GALNT2: variants seen among roughly 807,000 people sequenced by gnomAD.
GALNT2 encodes polypeptide N-acetylgalactosaminyltransferase 2, also known as UDP-GalNAc:polypeptide N-acetylgalactosaminyltransferase 2.
Under a neutral mutation model 81.4 loss-of-function variants are expected in GALNT2, and 31 were observed. The observed-to-expected ratio is 0.38, with a 90% CI of 0.29 to 0.51. The LOEUF (loss-of-function observed/expected upper bound fraction) is 0.51, where lower values mean the gene tolerates loss of function less well. Among genes scored for constraint, GALNT2 ranks in the 20% least tolerant of loss-of-function variants. The probability of loss-of-function intolerance (pLI) is 0.87; values close to 1 mark genes in which losing one functional copy is unlikely to be tolerated. For synonymous variants in GALNT2, 303 were observed against 287.4 expected (o/e 1.05, Z -0.55); for missense variants, 629 against 765.7 (o/e 0.82, Z 2.11).
chr1:230,057,865 C>T (rs904648400), upstream of GALNT2: 17 of 347,428 alleles, frequency 4.9e-5, no homozygotes, highest in Middle Eastern at 6.8e-4. Context: ...AAGGTAGCAA[C>T]CACAGGCAGG....
intron 1 of GALNT2, among the ~76,000 whole-genome samples, chr1:230,119,634 A>G (rs1660953880): frequency 6.6e-6 from 1 of 151,972 alleles, no homozygotes; most frequent in Admixed American, 6.6e-5. Flanking sequence ...GTATAAAGAG[A>G]ACTCCCCCCA....
At chr1:230,212,968 C>T (rs78122088) in intron 3 of GALNT2, among the ~76,000 whole-genome samples, 4 of 152,152 alleles carry the variant, frequency 2.6e-5, no homozygotes, top group African/African-American at 9.7e-5. Context: ...GTTGGCATCT[C>T]TGAAGGGCCC....
intron 2 of GALNT2, among the ~76,000 whole-genome samples, chr1:230,183,266 T>C (rs1018076041): frequency 2.0e-5 from 3 of 152,246 alleles, no homozygotes; most frequent in Admixed American, 6.5e-5. Flanking sequence ...ACCATCGATG[T>C]ACACAGTGAT....
At chr1:230,155,277 G>A (rs1010698298) in intron 1 of GALNT2, among the ~76,000 whole-genome samples, 4 of 152,236 alleles carry the variant, frequency 2.6e-5, no homozygotes, top group East Asian at 1.9e-4. Flanking sequence ...GCTCCTGCCC[G>A]CCCTGTTCTT....
chr1:230,278,442 G>A (rs1185950086), intron 15 of GALNT2, among the ~76,000 whole-genome samples: 3 of 152,156 alleles, frequency 2.0e-5, no homozygotes, highest in Non-Finnish European at 2.9e-5. Context: ...GGGTATTTAT[G>A]TTACTTGCTA....
At chr1:230,119,519 A>G (rs1660950479) in intron 1 of GALNT2, among the ~76,000 whole-genome samples, 1 of 152,136 alleles carries the variant, frequency 6.6e-6, no homozygotes. Context: ...TCTGTGGTGG[A>G]GGCAACCATT....
intron 1 of GALNT2, among the ~76,000 whole-genome samples, chr1:230,089,106 A>G (rs1334308408): frequency 6.6e-6 from 1 of 151,906 alleles, no homozygotes; most frequent in Non-Finnish European, 1.5e-5. Context: ...TTATTATGGT[A>G]AAATACATAT....
intron 1 of GALNT2, among the ~76,000 whole-genome samples, chr1:230,169,897 C>T (rs927398773): frequency 3.9e-5 from 6 of 152,154 alleles, no homozygotes; most frequent in African/African-American, 1.4e-4. Context: ...GTTTCATAAA[C>T]TAAGTTGGAG....
In GALNT2 at chr1:230,243,663, TAGG is replaced by T. The variant is rs1480780389; in HGVS notation, c.729+240_729+242del. 1.3e-5 allele frequency among the ~76,000 whole-genome samples: 2 copies of T among 152,320 alleles called. No homozygotes were observed. The highest frequency in any genetic ancestry group is 4.8e-5 in the African/African-American group (2 of 41,576). The stretch of plus-strand genomic sequence containing the variant: ...GTAGGAGGAACCATCCGTTGACAGG[TAGG>T]AGGCGAGGATCAGCAGAGGCTGGTG... On this transcript the variant is annotated intron_variant, in intron 7 of 15. Transcript: ENST00000366672. The surrounding 1 kb of genome is among the most constrained non-coding windows in gnomAD (Gnocchi z 4.2).
intron 15 of GALNT2, among the ~76,000 whole-genome samples, chr1:230,276,281 C>A (rs16851313): frequency 6.6e-6 from 1 of 152,064 alleles, no homozygotes; most frequent in Non-Finnish European, 1.5e-5. Flanking sequence ...TGGACACACC[C>A]TTTCTCAAGG....
At chr1:230,178,003 T>C (rs1461467474) in intron 1 of GALNT2, among the ~76,000 whole-genome samples, 1 of 152,158 alleles carries the variant, frequency 6.6e-6, no homozygotes, top group Non-Finnish European at 1.5e-5. Context: ...ATGCAAACCC[T>C]TGGGAAAGGT....
chr1:230,060,416 TCC>T (rs1659019084), intron 1 of GALNT2, among the ~76,000 whole-genome samples: 1 of 152,160 alleles, frequency 6.6e-6, no homozygotes, highest in African/African-American at 2.4e-5. Flanking sequence ...TCAGAGTCTC[TCC>T]GCAGACTCAG....
At chr1:230,269,652 T>C (rs541951885) in intron 14 of GALNT2, among the ~76,000 whole-genome samples, 2 of 151,048 alleles carry the variant, frequency 1.3e-5, no homozygotes, top group Admixed American at 1.3e-4. Flanking sequence ...TTCAGCACTT[T>C]AGGAAGCCAA....
At chr1:230,165,327 A>C (rs1206239154) in intron 1 of GALNT2, among the ~76,000 whole-genome samples, 1 of 152,234 alleles carries the variant, frequency 6.6e-6, no homozygotes, top group Admixed American at 6.5e-5. Context: ...TTATAATTTT[A>C]ATGGGCGCAT....
At chr1:230,137,742 C>T (rs545707087) in intron 1 of GALNT2, among the ~76,000 whole-genome samples, 98 of 152,212 alleles carry the variant, frequency 6.4e-4, no homozygotes, top group African/African-American at 2.2e-3. Flanking sequence ...TAGCTACACA[C>T]GTTGAAAAGG....
At chr1:230,121,511 G>T (rs1364234045) in intron 1 of GALNT2, among the ~76,000 whole-genome samples, 1 of 152,122 alleles carries the variant, frequency 6.6e-6, no homozygotes, top group Admixed American at 6.5e-5. Flanking sequence ...GTTTCTGATG[G>T]GTTACTTCTT....
At chr1:230,199,004 A>G (rs752933417) in intron 2 of GALNT2, among the ~76,000 whole-genome samples, 6 of 152,066 alleles carry the variant, frequency 3.9e-5, no homozygotes, top group South Asian at 4.1e-4. Flanking sequence ...GTAAAATGTT[A>G]TATCTTTGAA....
chr1:230,115,687 A>G (rs1660823654), intron 1 of GALNT2, among the ~76,000 whole-genome samples: 1 of 152,210 alleles, frequency 6.6e-6, no homozygotes, highest in Non-Finnish European at 1.5e-5. Flanking sequence ...AATTTGCCAC[A>G]TTGATGGACT....
chr1:230,250,433 C>A (rs749029682), intron 9 of GALNT2, 24 bp from the exon 10 acceptor site: 19 of 1,585,098 alleles, frequency 1.2e-5, no homozygotes, highest in Non-Finnish European at 1.6e-5. Flanking sequence ...TCCTCCCTCC[C>A]CCCTCTTCTT....
Sources: gnomAD v4.1 joint callset for allele counts (sites outside exome capture counted in the v4.1 genomes callset) on GRCh38, gnomAD v4.1.1 for gene constraint, Gnocchi (gnomAD v3.1) non-coding constraint, MANE v1.5 for transcripts, NCBI Gene and HGNC (gene_info 2026-07-23, HGNC 2026-07-21) for gene names.